The following UST variants were observed in gnomAD, a reference collection of about 807,000 sequenced individuals.
UST encodes the protein uronyl 2-sulfotransferase, also known as chondroitin sulfate 2-O-sulfotransferase.
Under a neutral mutation model 45.6 loss-of-function variants are expected in UST, and 21 were observed. The ratio of observed to expected loss-of-function variants is 0.46; its 90% CI spans 0.33 to 0.66. The LOEUF is 0.66. UST is among the 30% of genes least tolerant of loss of function. The probability of loss-of-function intolerance (pLI) is 0.02; values close to 1 mark genes in which losing one functional copy is unlikely to be tolerated. For missense variants in UST, 463 were observed against 512.4 expected (o/e 0.90, Z 0.93); for synonymous variants, 215 against 200.6 (o/e 1.07, Z -0.61).
At chr6:148,885,027 A>T (rs1361550187) in intron 1 of UST, among the ~76,000 whole-genome samples, 3 of 152,158 alleles carry the variant, frequency 2.0e-5, no homozygotes, top group Non-Finnish European at 4.4e-5. Context: ...TCTGTTTTGG[A>T]CAGGGGAAGT....
At chr6:148,888,631 C>T (rs1174948579) in intron 2 of UST, among the ~76,000 whole-genome samples, 1 of 152,148 alleles carries the variant, frequency 6.6e-6, no homozygotes, top group East Asian at 1.9e-4. Context: ...TTGACACTGA[C>T]ATGCGATAAA....
chr6:148,802,589 T>C (rs1184914663), intron 1 of UST, among the ~76,000 whole-genome samples: 1 of 152,198 alleles, frequency 6.6e-6, no homozygotes, highest in Non-Finnish European at 1.5e-5. Flanking sequence ...TCTCATGCTG[T>C]TTCCCTCTAT....
At chr6:148,774,270 T>TTATATA (rs10568450) in intron 1 of UST, among the ~76,000 whole-genome samples, 11 of 127,844 alleles carry the variant, frequency 8.6e-5, no homozygotes, top group South Asian at 2.3e-4. Flanking sequence ...CAAGGTTATT[T>TTATATA]TATATATATA....
chr6:148,877,605 T>TGCG (rs1370410780), intron 1 of UST, among the ~76,000 whole-genome samples: 1 of 67,410 alleles, frequency 1.5e-5, no homozygotes. Flanking sequence ...CGTGTATGAG[T>TGCG]GGGTCGTGTA....
Position 149,049,929 on chromosome 6 carries a change from TCTCACACA to T in UST, c.938-23902_938-23895del, listed in dbSNP as rs1175439419. Reference sequence around the variant, plus strand: ...CCTTGTCTCTCTCTCTCTCTCTCTCTCTCACACACACACACACACACACACACACACAC... The same window carrying T: ...CCTTGTCTCTCTCTCTCTCTCTCTCTCACACACACACACACACACACACAC... On this transcript the variant is annotated intron_variant, in intron 7 of 7. Transcript: ENST00000367463. Among the ~76,000 whole-genome samples, 485 of 129,812 alleles carry T rather than the reference TCTCACACA, an allele frequency of 3.7e-3. 2 individuals are homozygous for T. The highest frequency in any genetic ancestry group is 0.013 in the African/African-American group (458 of 34,358). 85.2% of individuals were successfully genotyped at this position (129,812 alleles called of 152,430 possible). A position where few individuals can be genotyped will look rare whatever the true frequency, so the allele number is the denominator to read the frequency against.
chr6:148,914,752 T>C (rs1779549502), intron 2 of UST, among the ~76,000 whole-genome samples: 1 of 152,152 alleles, frequency 6.6e-6, no homozygotes, highest in Admixed American at 6.5e-5. Context: ...CACGGACCAG[T>C]ACCAGTCCAT....
chr6:148,868,039 G>C (rs371450149), intron 1 of UST, among the ~76,000 whole-genome samples: 1 of 152,116 alleles, frequency 6.6e-6, no homozygotes, highest in African/African-American at 2.4e-5. Context: ...TGCCACTGAT[G>C]AGCAGTCCTG....
intron 3 of UST, among the ~76,000 whole-genome samples, chr6:148,946,065 T>C (rs750547931): frequency 5.3e-5 from 8 of 152,224 alleles, no homozygotes; most frequent in Non-Finnish European, 1.5e-5. Context: ...CCTGTTGCTC[T>C]TGCCCCCTGC....
intron 1 of UST, among the ~76,000 whole-genome samples, chr6:148,801,656 C>T (rs62426075): frequency 0.11 from 16,419 of 152,082 alleles, 1,238 homozygotes; most frequent in Non-Finnish European, 0.16. Flanking sequence ...CCATCAACTT[C>T]CAAGCTCCTG....
intron 7 of UST, among the ~76,000 whole-genome samples, chr6:149,065,003 T>G (rs1776711291): frequency 6.6e-6 from 1 of 152,158 alleles, no homozygotes; most frequent in Admixed American, 6.5e-5. Context: ...ATTCGTCTCT[T>G]TCTTTTAAAA....
chr6:148,974,903 C>A (rs377406481), intron 5 of UST, among the ~76,000 whole-genome samples: 5 of 152,232 alleles, frequency 3.3e-5, no homozygotes, highest in African/African-American at 4.8e-5. Flanking sequence ...TATAGTAAGA[C>A]TGCTGTCCCG....
intron 1 of UST, among the ~76,000 whole-genome samples, chr6:148,879,196 C>T (rs1562286959): frequency 1.3e-5 from 2 of 152,168 alleles, no homozygotes; most frequent in Non-Finnish European, 2.9e-5. Context: ...AATTTCCTTG[C>T]ACCCCCTTGG....
intron 2 of UST, among the ~76,000 whole-genome samples, chr6:148,921,887 G>A (rs1779714396): frequency 6.6e-6 from 1 of 152,084 alleles, no homozygotes; most frequent in Non-Finnish European, 1.5e-5. Flanking sequence ...CCCCAGCCAT[G>A]TGATACATCT....
chr6:148,756,020 C>T (rs966819726), intron 1 of UST, among the ~76,000 whole-genome samples: 1 of 132,536 alleles, frequency 7.5e-6, no homozygotes, highest in African/African-American at 2.9e-5. Context: ...CCCCACCCCA[C>T]GACAGGCCCC....
rs539763517 is a variant in UST, at chr6:148,930,497, C to G, written c.292-10782C>G. Among the ~76,000 whole-genome samples the G allele has an allele frequency of 2.6e-5, 4 of 152,286 alleles. No homozygotes were observed. The South Asian group carries it at 6.2e-4, about 24-fold the overall frequency. ...GCACGCAGTAAATGCTCAATAATTA[C>G]TTGCTGAATTTAGTCACAGAATTTT... On this transcript the variant is annotated intron_variant, in intron 2 of 7. Coordinates refer to ENST00000367463, the MANE Select transcript of UST (RefSeq NM_005715.3).
At position 148,790,974 on chromosome 6, in the gene UST, G is replaced by A. The variant is rs530280464; in HGVS notation, c.247+43297G>A. Reference sequence around the variant, plus strand: ...CTGCGCAACAGTTAAAGGTGCACGCGTTAGTGAAACCTCGCAACACATCAG... The same window carrying A: ...CTGCGCAACAGTTAAAGGTGCACGCATTAGTGAAACCTCGCAACACATCAG... On this transcript the variant is annotated intron_variant, in intron 1 of 7. Transcript: ENST00000367463. The surrounding 1 kb of genome is among the most constrained non-coding windows in gnomAD (Gnocchi z 4.2). 3.3e-5 allele frequency among the ~76,000 whole-genome samples: 5 copies of A among 152,330 alleles called. No homozygotes were observed. The East Asian group carries it at 5.8e-4, about 18-fold the overall frequency.
intron 1 of UST, among the ~76,000 whole-genome samples, chr6:148,804,398 G>A (rs1777110237): frequency 1.3e-5 from 2 of 152,150 alleles, no homozygotes; most frequent in Non-Finnish European, 1.5e-5. Context: ...TGTGAGGGGG[G>A]GTCATGGGCC....
chr6:148,756,926 G>T (rs953297006), intron 1 of UST, among the ~76,000 whole-genome samples: 2 of 152,238 alleles, frequency 1.3e-5, no homozygotes, highest in African/African-American at 4.8e-5. Flanking sequence ...CTCTAGCTCA[G>T]TTGATGCCTT....
At chr6:148,761,332 A>G (rs1162975100) in intron 1 of UST, among the ~76,000 whole-genome samples, 1 of 152,186 alleles carries the variant, frequency 6.6e-6, no homozygotes, top group Non-Finnish European at 1.5e-5. Flanking sequence ...CACACTGCCA[A>G]GTTCCTAAGA....
Sources: gnomAD v4.1 joint callset for allele counts (sites outside exome capture counted in the v4.1 genomes callset) on GRCh38, gnomAD v4.1.1 for gene constraint, Gnocchi (gnomAD v3.1) non-coding constraint, MANE v1.5 for transcripts, NCBI Gene and HGNC (gene_info 2026-07-23, HGNC 2026-07-21) for gene names.